COPG2: variants seen among roughly 807,000 people sequenced by gnomAD.
COPG2 encodes coat protein complex I subunit gamma 2, also known as coatomer subunit gamma-2.
COPG2 carries 37 observed loss-of-function variants against 46.3 expected under a neutral mutation model. That is an observed-to-expected ratio of 0.80 (90% confidence interval 0.61 to 1.05). COPG2 has a LOEUF of 1.05. Among genes scored for constraint, COPG2 ranks in the 50% least tolerant of loss-of-function variants. The probability of loss-of-function intolerance (pLI) is 0.00; values close to 1 mark genes in which losing one functional copy is unlikely to be tolerated. For missense variants in COPG2, 427 were observed against 387.8 expected, an observed-to-expected ratio of 1.10 and a Z score of -0.85; for synonymous variants, 159 against 129.7, an observed-to-expected ratio of 1.23 and a Z score of -1.53.
intron 9 of COPG2, among the ~76,000 whole-genome samples, chr7:130,577,917 G>C (rs1445868506): frequency 6.6e-6 from 1 of 152,010 alleles, no homozygotes. Flanking sequence ...AGCGAGGCTG[G>C]GGGAGGGGCG....
chr7:130,538,052 G>A (rs1428130417), intron 20 of COPG2, among the ~76,000 whole-genome samples: 3 of 152,146 alleles, frequency 2.0e-5, no homozygotes, highest in African/African-American at 7.2e-5. Context: ...AGTACAGCAA[G>A]TTGAGGACAT....
chr7:130,544,957 A>C (rs1392144692), intron 20 of COPG2, among the ~76,000 whole-genome samples: 2 of 152,274 alleles, frequency 1.3e-5, no homozygotes, highest in African/African-American at 4.8e-5. Context: ...ATTTTTATAC[A>C]TTTATAAAGT....
At chr7:130,514,359 A>G (rs1220726944) in intron 20 of COPG2, among the ~76,000 whole-genome samples, 1 of 152,206 alleles carries the variant, frequency 6.6e-6, no homozygotes, top group East Asian at 1.9e-4. Flanking sequence ...CTTTGTTTCC[A>G]GGTACAGATG....
intron 9 of COPG2, chr7:130,604,627 G>A: frequency 2.3e-6 from 1 of 442,256 alleles, no homozygotes; most frequent in Non-Finnish European, 4.4e-6. Context: ...CAAATATAGT[G>A]TTACGTCCTC....
chr7:130,609,782 G>A (rs1235779816), intron 9 of COPG2, among the ~76,000 whole-genome samples: 1 of 151,976 alleles, frequency 6.6e-6, no homozygotes, highest in African/African-American at 2.4e-5. Flanking sequence ...TGTCCAATCT[G>A]CTATTAAGTG....
intron 14 of COPG2, 57 bp from the exon 15 acceptor site, chr7:130,552,487 T>C (rs2116388901): frequency 7.5e-6 from 3 of 397,988 alleles, no homozygotes; most frequent in East Asian, 7.1e-5. Context: ...AGTTAACCAA[T>C]AACCATTTGA....
intron 5 of COPG2, among the ~76,000 whole-genome samples, chr7:130,634,191 T>C (rs75592569): frequency 1.3e-5 from 2 of 152,226 alleles, no homozygotes; most frequent in African/African-American, 4.8e-5. Context: ...TAGGATTGTC[T>C]TGGCTATGTG....
chr7:130,578,099 T>G (rs1794048863), intron 9 of COPG2, among the ~76,000 whole-genome samples: 1 of 151,992 alleles, frequency 6.6e-6, no homozygotes, highest in African/African-American at 2.4e-5. Context: ...AATGTCCCTG[T>G]CTGACAGCTT....
At chr7:130,656,147 C>T (rs1474183573) in intron 4 of COPG2, among the ~76,000 whole-genome samples, 1 of 151,040 alleles carries the variant, frequency 6.6e-6, no homozygotes, top group Non-Finnish European at 1.5e-5. Context: ...TTATGTTTGT[C>T]CTATTTGATC....
chr7:130,507,567 T>C, intron 22 of COPG2, 118 bp downstream of exon 22: 1 of 653,650 alleles, frequency 1.5e-6, no homozygotes, highest in Non-Finnish European at 2.8e-6. Flanking sequence ...GCTGGCCTTT[T>C]AAGTAAGAGA....
At chr7:130,528,998 T>C (rs1799800079) in intron 20 of COPG2, among the ~76,000 whole-genome samples, 2 of 152,082 alleles carry the variant, frequency 1.3e-5, no homozygotes, top group African/African-American at 2.4e-5. Context: ...TAGAAGATGC[T>C]GGCACCTTGG....
chr7:130,583,232 T>C (rs1393191047), intron 9 of COPG2, among the ~76,000 whole-genome samples: 195 of 149,416 alleles, frequency 1.3e-3, no homozygotes, highest in Admixed American at 2.7e-3. Flanking sequence ...TCATTCTCAG[T>C]AAACTATCGC....
intron 9 of COPG2, among the ~76,000 whole-genome samples, chr7:130,608,791 A>G (rs1554451634): frequency 1.3e-5 from 2 of 151,918 alleles, no homozygotes; most frequent in Admixed American, 1.3e-4. Flanking sequence ...TGTAATATAT[A>G]TGACTAGGTT....
chr7:130,652,882 T>G lies in COPG2; in HGVS notation c.310A>C (p.Ile104Leu). The change falls in exon 5 of 24, where the codon ATT (isoleucine) becomes CTT (leucine). Residue 104 changes from isoleucine (I) to leucine (L), a missense_variant. Ile to Leu is a conservative substitution (Grantham distance 5, BLOSUM62 2). Transcript: ENST00000425248. Reference protein sequence around the residue: ...EMATISEDVIIVTSSLTKDMT... With the variant: ...EMATISEDVILVTSSLTKDMT... ...CCATTTACATACCTGCTTGTGACAATTATCACATCCTCAGAGATGGTAGCC... is the reference window on the plus strand; with the variant it reads ...CCATTTACATACCTGCTTGTGACAAGTATCACATCCTCAGAGATGGTAGCC... The G allele has an allele frequency of 6.2e-7, 1 of 1,602,394 alleles. No individual in the cohort carries two copies. Among genetic ancestry groups the G allele is most frequent in the Non-Finnish European group, 8.5e-7 (1 of 1,172,196 alleles).
At chr7:130,534,002 G>C (rs1173910459) in intron 20 of COPG2, among the ~76,000 whole-genome samples, 2 of 150,470 alleles carry the variant, frequency 1.3e-5, no homozygotes, top group Non-Finnish European at 3.0e-5. Context: ...GGGTGGAGCA[G>C]AGTTGAGCTT....
chr7:130,508,796 C>G (rs1445538576), intron 20 of COPG2, 137 bp from the exon 21 acceptor site: 1 of 617,854 alleles, frequency 1.6e-6, no homozygotes, highest in Middle Eastern at 2.6e-4. Flanking sequence ...TAGTGGTTCT[C>G]AAAAGCAGCC....
intron 5 of COPG2, among the ~76,000 whole-genome samples, chr7:130,626,035 T>C (rs907118374): frequency 2.6e-5 from 4 of 152,232 alleles, no homozygotes; most frequent in Non-Finnish European, 4.4e-5. Context: ...TTTTGATACA[T>C]AGAATGCATA....
At chr7:130,655,058 C>G (rs570587872) in intron 4 of COPG2, among the ~76,000 whole-genome samples, 2 of 152,220 alleles carry the variant, frequency 1.3e-5, no homozygotes, top group South Asian at 2.1e-4. Flanking sequence ...TCTGCTCATT[C>G]CATCACCTTT....
intron 5 of COPG2, among the ~76,000 whole-genome samples, chr7:130,637,232 T>C (rs144469561): frequency 1.3e-5 from 2 of 152,224 alleles, no homozygotes; most frequent in Non-Finnish European, 2.9e-5. Context: ...AGTATCTTTG[T>C]GATATTCTCT....
Sources: allele counts gnomAD v4.1 joint callset (sites outside exome capture counted in the v4.1 genomes callset), GRCh38; gene constraint gnomAD v4.1.1; transcripts MANE v1.5; gene names NCBI Gene and HGNC (gene_info 2026-07-23, HGNC 2026-07-21).